The following KPNA7 variants were observed in gnomAD, a reference collection of about 807,000 sequenced individuals.
KPNA7 encodes the protein importin subunit alpha-8.
In KPNA7, 54 loss-of-function variants were observed where a neutral mutation model predicts 53.7. That is an observed-to-expected ratio of 1.01 (90% CI 0.81 to 1.26). KPNA7 has a LOEUF of 1.26. KPNA7 is among the 50% of genes most tolerant of loss of function. The probability of loss-of-function intolerance (pLI) is 0.00; values close to 1 mark genes in which losing one functional copy is unlikely to be tolerated. For missense variants in KPNA7, 640 were observed against 644.5 expected (o/e 0.99, Z 0.07); for synonymous variants, 276 against 259.3 (o/e 1.06, Z -0.62).
At chr7:99,212,223 CA>C (rs1280770452), upstream of KPNA7, among the ~76,000 whole-genome samples, 1 of 148,052 alleles carries the variant, frequency 6.8e-6, no homozygotes, top group Non-Finnish European at 1.5e-5. Flanking sequence ...GTGTCCGATC[CA>C]CATGTGTCCT....
chr7:99,188,165 ACT>A (rs1448346247), intron 7 of KPNA7, 133 bp downstream of exon 7: 4 of 810,204 alleles, frequency 4.9e-6, no homozygotes, highest in South Asian at 3.9e-5. Context: ...ACAGAGCAAG[ACT>A]CTGTCTCAAA....
At chr7:99,204,527 A>T (rs1378730264) in intron 2 of KPNA7, among the ~76,000 whole-genome samples, 2 of 152,178 alleles carry the variant, frequency 1.3e-5, no homozygotes, top group Non-Finnish European at 2.9e-5. Context: ...AATTATAAAG[A>T]AGTCACCATG....
intron 9 of KPNA7, among the ~76,000 whole-genome samples, chr7:99,179,934 G>T (rs1269951559): frequency 6.6e-6 from 1 of 152,028 alleles, no homozygotes; most frequent in Admixed American, 6.6e-5. Context: ...CTCCAAAACT[G>T]CCCTGATGAT....
rs1220776910 is a variant in KPNA7, at chr7:99,177,927, A to C, written c.1457T>G (p.Phe486Cys). The C allele has an allele frequency of 6.4e-7, 1 of 1,551,718 alleles. No homozygotes were observed. The highest frequency in any genetic ancestry group is 1.2e-5 in the South Asian group (1 of 83,972). Residue 486 changes from phenylalanine to cysteine, a missense_variant, in exon 10 of 11, where the codon TTT (phenylalanine) becomes TGT (cysteine). Coordinates refer to ENST00000327442, the MANE Select transcript of KPNA7 (RefSeq NM_001145715.3). ...QSALNIIEKH[F>C]GEEEDESQTL... The stretch of plus-strand genomic sequence containing the variant: ...CGCTCCTAAGTCACTTACCTCACCA[A>C]AGTGCTTCTCGATGATGTTCAAAGC...
chr7:99,196,013 G>A (rs759500699), intron 4 of KPNA7, 71 bp downstream of exon 4: 448 of 1,275,678 alleles, frequency 3.5e-4, no homozygotes, highest in Admixed American at 8.4e-4. Flanking sequence ...ATAGGCCACC[G>A]GCGCTCCAGC....
intron 8 of KPNA7, among the ~76,000 whole-genome samples, chr7:99,182,624 C>CT (rs756884471): frequency 6.6e-6 from 1 of 152,114 alleles, no homozygotes; most frequent in South Asian, 2.1e-4. Context: ...CATGAACCCC[C>CT]TGCCCGGCTC....
chr7:99,203,309 T>C, intron 2 of KPNA7, 69 bp from the exon 3 acceptor site: 1 of 1,473,292 alleles, frequency 6.8e-7, no homozygotes, highest in South Asian at 1.2e-5. Context: ...CTGTCAAACA[T>C]GTTTCAAAGC....
the KPNA7 span, among the ~76,000 whole-genome samples, chr7:99,155,987 C>T: frequency 7.9e-5 from 12 of 152,138 alleles, no homozygotes; most frequent in African/African-American, 2.9e-4. Flanking sequence ...AGATAGTCTA[C>T]CTGGAGCTCG....
At chr7:99,200,665 C>T (rs13244583) in intron 3 of KPNA7, among the ~76,000 whole-genome samples, 12,045 of 152,028 alleles carry the variant, frequency 0.079, 510 homozygotes, top group South Asian at 0.15. Context: ...TGGAAACAAC[C>T]CAAAGTCCCC....
At chr7:99,202,900 A>G (rs1192247143) in intron 3 of KPNA7, among the ~76,000 whole-genome samples, 1 of 152,124 alleles carries the variant, frequency 6.6e-6, no homozygotes, top group African/African-American at 2.4e-5. Flanking sequence ...ACTAGAATCT[A>G]GATTCCACAG....
At chr7:99,153,814 T>A in the KPNA7 span, among the ~76,000 whole-genome samples, 2 of 151,314 alleles carry the variant, frequency 1.3e-5, no homozygotes, top group African/African-American at 2.4e-5. Flanking sequence ...ACAAAAAAAA[T>A]AAAAATAAAA....
intron 3 of KPNA7, among the ~76,000 whole-genome samples, chr7:99,199,883 AAAT>A (rs2150760793): frequency 6.6e-6 from 1 of 152,276 alleles, no homozygotes; most frequent in South Asian, 2.1e-4. Context: ...ACTCAATAAA[AAAT>A]AATTTATTTG....
intron 1 of KPNA7, among the ~76,000 whole-genome samples, chr7:99,217,938 G>A (rs958379206): frequency 3.3e-5 from 5 of 151,954 alleles, no homozygotes; most frequent in African/African-American, 7.3e-5. Context: ...GCCCCACCTC[G>A]CCACTCTTTA....
At chr7:99,180,763 G>C (rs1449428304) in intron 9 of KPNA7, among the ~76,000 whole-genome samples, 1 of 28,334 alleles carries the variant, frequency 3.5e-5, no homozygotes, top group African/African-American at 1.7e-4. Flanking sequence ...CTCTCTCCCC[G>C]TCTGTGTCTC....
At chr7:99,146,711 TAAAAAAAAAAAAAAAA>T in the KPNA7 span, among the ~76,000 whole-genome samples, 4 of 70,446 alleles carry the variant, frequency 5.7e-5, no homozygotes, top group South Asian at 5.7e-4. Flanking sequence ...GACTGTGTCT[TAAAAAAAAAAAAAAAA>T]AAAAAAAAAA....
downstream of KPNA7, among the ~76,000 whole-genome samples, chr7:99,172,041 A>G (rs945991688): frequency 6.6e-6 from 1 of 152,218 alleles, no homozygotes; most frequent in African/African-American, 2.4e-5. Flanking sequence ...AAAACAAAGC[A>G]TATGAGTGAA....
At chr7:99,196,417 A>T (rs189778055) in intron 3 of KPNA7, among the ~76,000 whole-genome samples, 1 of 152,332 alleles carries the variant, frequency 6.6e-6, no homozygotes. Context: ...TATCCCGTGC[A>T]GTAAGAATGT....
chr7:99,214,088 A>G (rs1168826056), intron 1 of KPNA7, among the ~76,000 whole-genome samples: 1 of 152,144 alleles, frequency 6.6e-6, no homozygotes, highest in Non-Finnish European at 1.5e-5. Flanking sequence ...TCCTGCGTCC[A>G]AGCTTTGCAG....
At chr7:99,187,951 G>A (rs111710337) in intron 7 of KPNA7, among the ~76,000 whole-genome samples, 1 of 151,168 alleles carries the variant, frequency 6.6e-6, no homozygotes, top group African/African-American at 2.4e-5. Context: ...CGAGGCAGGA[G>A]GATCACCTGA....
Sources: gnomAD v4.1 joint callset for allele counts (sites outside exome capture counted in the v4.1 genomes callset) on GRCh38, gnomAD v4.1.1 for gene constraint, MANE v1.5 for transcripts, NCBI Gene and HGNC (gene_info 2026-07-23, HGNC 2026-07-21) for gene names.